Variants in GRIN2B observed in about 807,000 individuals in gnomAD.
The protein encoded by GRIN2B is glutamate ionotropic receptor NMDA type subunit 2B.
A neutral mutation model predicts 114.5 loss-of-function variants in GRIN2B; 5 were observed. That is an observed-to-expected ratio of 0.04 (90% CI 0.02 to 0.09). The LOEUF (loss-of-function observed/expected upper bound fraction) is 0.09, where lower values mean the gene tolerates loss of function less well. Ranked by LOEUF, GRIN2B falls within the 10% of genes least tolerant of loss-of-function variation. The pLI is 1.00. For synonymous variants in GRIN2B, 787 were observed against 745.1 expected, an observed-to-expected ratio of 1.06 and a Z score of -0.92; for missense variants, 1,108 against 1,943.5, an observed-to-expected ratio of 0.57 and a Z score of 8.08.
At chr12:13,778,176 T>C (rs915387477) in intron 3 of GRIN2B, among the ~76,000 whole-genome samples, 1 of 152,334 alleles carries the variant, frequency 6.6e-6, no homozygotes, top group East Asian at 1.9e-4. Flanking sequence ...TTCTTGAAGA[T>C]TAAATATATG....
rs556039718 is a variant in GRIN2B at position 13,875,460 on chromosome 12, G to A, written c.-18-9234C>T. On this transcript the variant is annotated intron_variant, in intron 2 of 13. Coordinates refer to ENST00000609686, the MANE Select transcript of GRIN2B (RefSeq NM_000834.5). ...GAGAATCGCTTGAACCCAGGAGGTGGAGGTTGCAGTGAGCTGAGATGTCGC... is the reference window on the plus strand; with the variant it reads ...GAGAATCGCTTGAACCCAGGAGGTGAAGGTTGCAGTGAGCTGAGATGTCGC... 5.3e-5 allele frequency among the ~76,000 whole-genome samples: 8 copies of A among 152,282 alleles called. 1 individual carries two copies. The highest frequency in any genetic ancestry group is 1.7e-4 in the African/African-American group (7 of 41,554).
At position 13,563,657 on chromosome 12, in the gene GRIN2B, G is replaced by C. The variant is rs1424106237; in HGVS notation, c.3581C>G (p.Pro1194Arg). ...GGTCAGGTTCTTCTCCCAAGGTGCA[G>C]GTACCCCGCTGACCACGCCGTGTTT... is the stretch of plus-strand genomic sequence containing the variant. Reference protein sequence around the residue: ...GDKHGVVSGVPAPWEKNLTNV... With the variant: ...GDKHGVVSGVRAPWEKNLTNV... The change falls in exon 14 of 14, where the codon CCT becomes CGT. Residue 1194 changes from proline to arginine, a missense_variant. Around this residue, in one of 19 missense-constraint regions of GRIN2B, gnomAD observed 478 missense variants for 506.0 expected, o/e 0.94. Transcript: ENST00000609686. 1.9e-6 allele frequency: 3 copies of C among 1,613,632 alleles called. No homozygotes were observed. Among genetic ancestry groups the C allele is most frequent in the South Asian group, 2.2e-5 (2 of 91,090 alleles).
At chr12:13,948,386 G>C (rs115594950) in intron 2 of GRIN2B, among the ~76,000 whole-genome samples, 1 of 152,198 alleles carries the variant, frequency 6.6e-6, no homozygotes, top group Admixed American at 6.5e-5. Context: ...ATGCTGAGAT[G>C]TGTTCCTTGC....
intron 5 of GRIN2B, among the ~76,000 whole-genome samples, chr12:13,657,026 C>G (rs1438576499): frequency 6.6e-6 from 1 of 152,144 alleles, no homozygotes; most frequent in Non-Finnish European, 1.5e-5. Context: ...CGCACCAAGT[C>G]AAGTACAGAT....
At chr12:13,959,424 C>T (rs973393491) in intron 2 of GRIN2B, among the ~76,000 whole-genome samples, 7 of 152,084 alleles carry the variant, frequency 4.6e-5, no homozygotes, top group African/African-American at 1.4e-4. Flanking sequence ...GGAGAGCCAC[C>T]GTGGATTGGT....
At chr12:13,965,557 C>CCACACACACACA (rs138577851) in intron 2 of GRIN2B, among the ~76,000 whole-genome samples, 2 of 150,176 alleles carry the variant, frequency 1.3e-5, no homozygotes, top group African/African-American at 2.4e-5. Flanking sequence ...AGATTACACA[C>CCACACACACACA]CACACACACA....
chr12:13,703,076 G>T (rs1413934860), intron 4 of GRIN2B, among the ~76,000 whole-genome samples: 1 of 152,148 alleles, frequency 6.6e-6, no homozygotes, highest in Non-Finnish European at 1.5e-5. Context: ...GGGTTAAACT[G>T]TTTTGTGAAT....
intron 3 of GRIN2B, among the ~76,000 whole-genome samples, chr12:13,826,339 T>C (rs1265798958): frequency 6.6e-6 from 1 of 152,026 alleles, no homozygotes; most frequent in African/African-American, 2.4e-5. Context: ...GGCATGGTGG[T>C]GCATGCCTGT....
intron 3 of GRIN2B, among the ~76,000 whole-genome samples, chr12:13,802,096 T>A (rs975969909): frequency 1.3e-5 from 2 of 151,954 alleles, no homozygotes; most frequent in African/African-American, 4.8e-5. Context: ...GAGTCTGAAG[T>A]CTAGCCAAAT....
In GRIN2B at chr12:13,621,616, T is replaced by TG. The variant is rs1949516373; in HGVS notation, c.1126-4960_1126-4959insC. Reference sequence around the variant, plus strand: ...AAAAAAAAATTGCCTAGTTTTTGTTTTTTTTTTTTTTTTTTTTTTTTTTTC... The same window carrying TG: ...AAAAAAAAATTGCCTAGTTTTTGTTTGTTTTTTTTTTTTTTTTTTTTTTTTC... On this transcript the variant is annotated intron_variant, in intron 5 of 13. Transcript: ENST00000609686. Among the ~76,000 whole-genome samples, 11 of 84,402 alleles carry TG rather than the reference T, an allele frequency of 1.3e-4. No homozygotes were observed. In the South Asian group the frequency reaches 2.9e-3, roughly 22 times the overall value. 55.4% of individuals were successfully genotyped at this position (84,402 alleles called of 152,430 possible).
At chr12:13,619,293 A>G (rs1422734849) in intron 5 of GRIN2B, among the ~76,000 whole-genome samples, 1 of 152,260 alleles carries the variant, frequency 6.6e-6, no homozygotes. Context: ...CACAGTATCA[A>G]AAATGAGATA....
At chr12:13,732,894 T>C (rs981496825) in intron 4 of GRIN2B, among the ~76,000 whole-genome samples, 3 of 152,212 alleles carry the variant, frequency 2.0e-5, no homozygotes, top group Non-Finnish European at 4.4e-5. Flanking sequence ...GACAAGTATA[T>C]AATGAGTGCC....
chr12:13,827,551 A>T (rs1213705372), intron 3 of GRIN2B, among the ~76,000 whole-genome samples: 1 of 151,972 alleles, frequency 6.6e-6, no homozygotes, highest in Non-Finnish European at 1.5e-5. Context: ...CATTAATCTC[A>T]TCCAGTTCAT....
intron 2 of GRIN2B, among the ~76,000 whole-genome samples, chr12:13,876,202 C>G (rs1043934300): frequency 2.0e-5 from 3 of 152,150 alleles, no homozygotes; most frequent in Non-Finnish European, 4.4e-5. Context: ...TGACACTTAT[C>G]TTGGGCGGGG....
intron 5 of GRIN2B, among the ~76,000 whole-genome samples, chr12:13,626,210 C>T (rs1949564874): frequency 1.3e-5 from 2 of 152,210 alleles, no homozygotes; most frequent in Non-Finnish European, 2.9e-5. Flanking sequence ...ACATGCAGGA[C>T]ACAGTGAGGA....
chr12:13,887,641 T>C (rs1866187523), intron 2 of GRIN2B, among the ~76,000 whole-genome samples: 1 of 152,236 alleles, frequency 6.6e-6, no homozygotes, highest in South Asian at 2.1e-4. Context: ...TGGGGATTTA[T>C]TTCAGTCTTA....
At chr12:13,923,965 G>A (rs138168226) in intron 2 of GRIN2B, among the ~76,000 whole-genome samples, 1 of 152,144 alleles carries the variant, frequency 6.6e-6, no homozygotes, top group Admixed American at 6.5e-5. Flanking sequence ...CCACTCTCTT[G>A]TAAGGAGAAT....
intron 11 of GRIN2B, among the ~76,000 whole-genome samples, chr12:13,571,137 C>A (rs1948702815): frequency 6.6e-6 from 1 of 152,192 alleles, no homozygotes; most frequent in Admixed American, 6.5e-5. Flanking sequence ...TGTTAGTCAT[C>A]ATACAACAAA....
intron 3 of GRIN2B, among the ~76,000 whole-genome samples, chr12:13,776,733 T>G (rs1304184848): frequency 6.6e-6 from 1 of 151,752 alleles, no homozygotes; most frequent in African/African-American, 2.4e-5. Context: ...CAGAAAACCT[T>G]TCAGATAAAA....
Sources: allele counts gnomAD v4.1 joint callset (sites outside exome capture counted in the v4.1 genomes callset), GRCh38; gene constraint gnomAD v4.1.1; regional missense constraint gnomAD v4.1.1; transcripts MANE v1.5; gene names NCBI Gene and HGNC (gene_info 2026-07-23, HGNC 2026-07-21).